The following RIOK3 variants were observed in gnomAD, a reference collection of about 807,000 sequenced individuals.
The protein encoded by RIOK3 is RIO kinase 3.
In RIOK3, 40 loss-of-function variants were observed where a neutral mutation model predicts 63.5. That is an observed-to-expected ratio of 0.63 (90% CI 0.49 to 0.82). The LOEUF (loss-of-function observed/expected upper bound fraction) is 0.82. Ranked by LOEUF, RIOK3 falls within the 40% of genes least tolerant of loss-of-function variation. The probability of loss-of-function intolerance (pLI) is 0.00; values close to 1 mark genes in which losing one functional copy is unlikely to be tolerated. For missense variants in RIOK3, 557 were observed against 637.0 expected (o/e 0.87, Z 1.35); for synonymous variants, 193 against 205.0 (o/e 0.94, Z 0.50).
intron 1 of RIOK3, chr18:23,456,520 T>TA (rs777415113): frequency 1.3e-5 from 2 of 151,576 alleles, no homozygotes; most frequent in Admixed American, 6.6e-5. Context: ...AAAGAAAACT[T>TA]AAAAAAATAG....
intron 2 of RIOK3, 31 bp downstream of exon 2, chr18:23,463,110 C>A: frequency 1.5e-6 from 2 of 1,362,220 alleles, no homozygotes; most frequent in Non-Finnish European, 2.1e-6. Context: ...CTTTATCTAG[C>A]AACTTATAGC....
At chr18:23,480,885 G>A (rs774637305) in intron 12 of RIOK3, among the ~76,000 whole-genome samples, 5 of 152,128 alleles carry the variant, frequency 3.3e-5, no homozygotes, top group Non-Finnish European at 4.4e-5. Context: ...TCAGGAGTTC[G>A]AGACCAGCCT....
At chr18:23,472,111 T>C (rs189700013) in intron 7 of RIOK3, among the ~76,000 whole-genome samples, 15 of 152,142 alleles carry the variant, frequency 9.9e-5, no homozygotes, top group Non-Finnish European at 2.2e-4. Context: ...CATGCACGTG[T>C]AATCCCAGCT....
rs768283222 is a variant in RIOK3, at chr18:23,481,217, G to A, written c.1498G>A (p.Gly500Arg). ...KMNEDHVQKN[G>R]RKAASFLKDD... ...GAATGAAGATCACGTTCAGAAGAATGGAAGGAAAGCTGCTTCATTTTTGAA... is the reference window on the plus strand; with the variant it reads ...GAATGAAGATCACGTTCAGAAGAATAGAAGGAAAGCTGCTTCATTTTTGAA... Residue 500 changes from glycine (G) to arginine (R), a missense_variant, in exon 13 of 13, where the codon GGA (glycine) becomes AGA (arginine). Gly to Arg is a moderately radical substitution (Grantham distance 125, BLOSUM62 -2). This residue lies in a region of RIOK3 where 309 missense variants were observed against 338.7 expected (regional missense o/e 0.91). Coordinates refer to ENST00000339486, the MANE Select transcript of RIOK3 (RefSeq NM_003831.5). 1 of 1,612,604 alleles carries A rather than the reference G, an allele frequency of 6.2e-7. No homozygotes were observed. The highest frequency in any genetic ancestry group is 8.5e-7 in the Non-Finnish European group (1 of 1,179,368).
At chr18:23,468,406 G>A (rs1303087570) in intron 7 of RIOK3, among the ~76,000 whole-genome samples, 2 of 143,834 alleles carry the variant, frequency 1.4e-5, no homozygotes, top group African/African-American at 5.2e-5. Context: ...GAGTTCAAGC[G>A]ATTCTCCTGT....
Position 23,479,297 on chromosome 18 carries a change from T to C in RIOK3, c.1345-20T>C. On this transcript the variant is annotated intron_variant, in intron 11 of 12. Coordinates refer to ENST00000339486, the MANE Select transcript of RIOK3 (RefSeq NM_003831.5). ...ACATTGCTAATACTTCTTACTGACT[T>C]TCTTGTATTTCCTTACTAGTTTTTC... The C allele has an allele frequency of 6.8e-7, 1 of 1,470,716 alleles. No homozygotes were observed. The highest frequency in any genetic ancestry group is 9.5e-7 in the Non-Finnish European group (1 of 1,049,538). The allele number at this position is 1,470,716 out of a possible 1,614,324, so 91.1% of individuals were successfully genotyped here. A position where few individuals can be genotyped will look rare whatever the true frequency, so the allele number is the denominator to read the frequency against.
chr18:23,469,411 CCTCTCT>C (rs1380705543), intron 7 of RIOK3, among the ~76,000 whole-genome samples: 3 of 80,218 alleles, frequency 3.7e-5, no homozygotes, highest in Non-Finnish European at 4.9e-5. Context: ...TCCCCTCTCT[CCTCTCT>C]CTCTCTCTCT....
chr18:23,461,800 A>G (rs2057373320), intron 1 of RIOK3, among the ~76,000 whole-genome samples: 1 of 152,030 alleles, frequency 6.6e-6, no homozygotes, highest in Non-Finnish European at 1.5e-5. Context: ...TCAGAAATAA[A>G]ATTTTGGGGC....
chr18:23,464,302 C>T lies in RIOK3; in HGVS notation c.422C>T (p.Pro141Leu). The change falls in exon 4 of 13, where the codon CCC becomes CTC. Residue 141 changes from proline to leucine, a missense_variant. Around this residue, in one of 3 missense-constraint regions of RIOK3, gnomAD observed 243 missense variants for 275.4 expected, o/e 0.88. Transcript: ENST00000339486. The part of the protein sequence containing the change: ...EVDWQDTRDD[P>L]YRPAKPVPTP... ...GACTGGCAGGATACTCGTGATGATC[C>T]CTACAGACCAGGTACCAAAGTTTTT... 1.2e-6 allele frequency: 2 copies of T among 1,612,676 alleles called. No individual in the cohort carries two copies. Among genetic ancestry groups the T allele is most frequent in the East Asian group, 2.2e-5 (1 of 44,868 alleles).
chr18:23,480,555 G>GCACACA (rs59552026), intron 12 of RIOK3, among the ~76,000 whole-genome samples: 30,132 of 141,856 alleles, frequency 0.21, 3,387 homozygotes, highest in Non-Finnish European at 0.25. Context: ...TTGGATGCAC[G>GCACACA]CACACACACA....
Position 23,477,047 on chromosome 18 carries a change from T to C in RIOK3, c.1215T>C (p.Ala405=), listed in dbSNP as rs1199182283. The C allele has an allele frequency of 1.2e-6, 2 of 1,613,976 alleles. No homozygotes were observed. Among genetic ancestry groups the C allele is most frequent in the Non-Finnish European group, 1.7e-6 (2 of 1,179,980 alleles). ...QLYHECTLVH[A]DLSEYNMLWH... is the part of the protein sequence containing the mutation. ...ATCATGAATGTACGCTTGTCCATGC[T>C]GACCTCAGTGAGTATAACATGCTGT... The change falls in exon 10 of 13, where the codon GCT becomes GCC. Residue 405 remains alanine (A), a synonymous_variant. Transcript: ENST00000339486.
intron 7 of RIOK3, among the ~76,000 whole-genome samples, chr18:23,470,634 G>T (rs1234064836): frequency 6.6e-6 from 1 of 152,208 alleles, no homozygotes; most frequent in African/African-American, 2.4e-5. Flanking sequence ...AAGGCTAAGG[G>T]TGGGAGAGTT....
At chr18:23,467,552 G>T (rs1253993721) in intron 7 of RIOK3, 26 bp downstream of exon 7, 1 of 1,603,860 alleles carries the variant, frequency 6.2e-7, no homozygotes. Flanking sequence ...ATGATACCAT[G>T]ATATGAAAAC....
chr18:23,470,795 A>G (rs929435557), intron 7 of RIOK3, among the ~76,000 whole-genome samples: 4 of 152,236 alleles, frequency 2.6e-5, no homozygotes, highest in African/African-American at 4.8e-5. Context: ...TTTTTGTAGT[A>G]GGACAATGAC....
rs1026432360 is a variant in RIOK3 at position 23,476,946 on chromosome 18, T to C, written c.1174-60T>C. On this transcript the variant is annotated intron_variant, in intron 9 of 12. Coordinates refer to ENST00000339486, the MANE Select transcript of RIOK3 (RefSeq NM_003831.5). ...AAAAAATAAAAAACTTTCAGGGGTG[T>C]CATCATCAATAATACCACTTAATTA... is the stretch of plus-strand genomic sequence containing the variant. The C allele has an allele frequency of 2.1e-6, 3 of 1,401,752 alleles. No individual in the cohort carries two copies. The African/African-American group carries it at 4.3e-5, about 20-fold the overall frequency. 86.8% of individuals were successfully genotyped at this position (1,401,752 alleles called of 1,614,324 possible).
Position 23,453,298 on chromosome 18 carries a change from C to T in RIOK3, c.-142C>T. 2.8e-6 allele frequency: 2 copies of T among 706,640 alleles called. No homozygotes were observed. The highest frequency in any genetic ancestry group is 2.5e-5 in the East Asian group (1 of 39,736). 43.8% of individuals were successfully genotyped at this position (706,640 alleles called of 1,614,324 possible). A position where few individuals can be genotyped will look rare whatever the true frequency, so the allele number is the denominator to read the frequency against. The stretch of plus-strand genomic sequence containing the variant: ...AAGAGGAGAGATCCAGTTCCGGACG[C>T]GGCCGCCGCCGTCGCCGCCATCTGT... On this transcript the variant is annotated 5_prime_UTR_variant, in exon 1 of 13. Coordinates refer to ENST00000339486, the MANE Select transcript of RIOK3 (RefSeq NM_003831.5).
chr18:23,459,944 T>A (rs1465549420), intron 1 of RIOK3, among the ~76,000 whole-genome samples: 1 of 152,232 alleles, frequency 6.6e-6, no homozygotes, highest in Non-Finnish European at 1.5e-5. Flanking sequence ...TTCGCCTGCC[T>A]CGGCCTCTCA....
intron 8 of RIOK3, among the ~76,000 whole-genome samples, chr18:23,473,986 A>G (rs1200825749): frequency 6.6e-6 from 1 of 152,134 alleles, no homozygotes; most frequent in East Asian, 1.9e-4. Flanking sequence ...TGTGGGAGTA[A>G]GTTCTTACCA....
At chr18:23,461,347 T>C (rs1332770674) in intron 1 of RIOK3, among the ~76,000 whole-genome samples, 1 of 152,182 alleles carries the variant, frequency 6.6e-6, no homozygotes, top group Non-Finnish European at 1.5e-5. Context: ...TGGGAAACAA[T>C]AAAAAAGATT....
Sources: allele counts gnomAD v4.1 joint callset (sites outside exome capture counted in the v4.1 genomes callset), GRCh38; gene constraint gnomAD v4.1.1; regional missense constraint gnomAD v4.1.1; transcripts MANE v1.5; gene names NCBI Gene and HGNC (gene_info 2026-07-23, HGNC 2026-07-21).